Variants in ERBB2 observed in about 807,000 individuals in gnomAD.
The protein encoded by ERBB2 is erb-b2 receptor tyrosine kinase 2, also known as receptor tyrosine-protein kinase erbB-2.
In ERBB2, 61 loss-of-function variants were observed where a neutral mutation model predicts 149.0. The ratio of observed to expected loss-of-function variants is 0.41; its 90% confidence interval spans 0.33 to 0.51. ERBB2 has a LOEUF of 0.51. ERBB2 is among the 20% of genes least tolerant of loss of function. The pLI is 0.25. For synonymous variants in ERBB2, 633 were observed against 678.8 expected, an observed-to-expected ratio of 0.93 and a Z score of 1.05; for missense variants, 1,205 against 1,655.1, an observed-to-expected ratio of 0.73 and a Z score of 4.72.
chr17:39,727,733 C>T lies in ERBB2; in HGVS notation c.3457C>T (p.Arg1153Ter), dbSNP rs1364766454. 3.8e-6 allele frequency: 6 copies of T among 1,582,808 alleles called. No homozygotes were observed. The highest frequency in any genetic ancestry group is 1.3e-5 in the African/African-American group (1 of 74,246). ...TGTTCGGCCCCAGCCCCCTTCGCCC[C>T]GAGAGGGCCCTCTGCCTGCTGCCCG... is the stretch of plus-strand genomic sequence containing the variant. Reference protein sequence around the residue: ...PDVRPQPPSPREGPLPAARPA... With the variant: ...PDVRPQPPSP The change falls in exon 27 of 27, where the codon CGA becomes TGA. Residue 1153 changes from arginine (R) to a stop codon, truncating the protein, a stop_gained. Coordinates refer to ENST00000269571, the MANE Select transcript of ERBB2 (RefSeq NM_004448.4). LOFTEE classifies it high-confidence loss of function. The surrounding 1 kb of genome is among the most constrained non-coding windows in gnomAD (Gnocchi z 4.3).
chr17:39,710,013 CT>C, intron 5 of ERBB2, 72 bp from the exon 6 acceptor site: 1 of 1,513,750 alleles, frequency 6.6e-7, no homozygotes, highest in Non-Finnish European at 9.1e-7. Context: ...GGTAGTCTCC[CT>C]AGAAGGTGAT....
intron 15 of ERBB2, 126 bp downstream of exon 15, chr17:39,717,606 C>T: frequency 1.3e-6 from 1 of 758,492 alleles, no homozygotes; most frequent in Admixed American, 3.1e-5. Flanking sequence ...AAAAATAACA[C>T]ATTGTTAAAA....
upstream of ERBB2, among the ~76,000 whole-genome samples, chr17:39,691,890 TA>T: frequency 7.5e-6 from 1 of 132,882 alleles, no homozygotes; most frequent in African/African-American, 2.9e-5. Context: ...TAGATATAGA[TA>T]TAGATATAGA....
In ERBB2 at chr17:39,726,371, A is replaced by G; in HGVS notation, c.2873-191A>G. 2 of 575,698 alleles carry G rather than the reference A, an allele frequency of 3.5e-6. No homozygotes were observed. The highest frequency in any genetic ancestry group is 6.2e-6 in the Non-Finnish European group (2 of 322,700). 35.7% of individuals were successfully genotyped at this position (575,698 alleles called of 1,614,324 possible). On this transcript the variant is annotated intron_variant, in intron 23 of 26. Coordinates refer to ENST00000269571, the MANE Select transcript of ERBB2 (RefSeq NM_004448.4). This position sits in a 1 kb window ranked among gnomAD's most constrained non-coding sequence, Gnocchi z 5.1. ...AGCAAACAAAAAGAAAAAAAAAATT[A>G]AAAGGGAAACTAGAAGAGATGCCAA... is the stretch of plus-strand genomic sequence containing the variant.
upstream of ERBB2, among the ~76,000 whole-genome samples, chr17:39,696,177 C>A (rs531236967): frequency 9.2e-5 from 14 of 152,336 alleles, no homozygotes; most frequent in Admixed American, 4.6e-4. Context: ...CCCCTGCCCC[C>A]CTTCCTCTCC....
intron 1 of ERBB2, 95 bp downstream of exon 1, chr17:39,700,406 C>T (rs987751025): frequency 9.8e-6 from 10 of 1,024,048 alleles, no homozygotes; most frequent in African/African-American, 6.7e-5. Context: ...CAGAGGGGCC[C>T]GGACGAGCTC....
chr17:39,699,597 A>G (rs1428947447), upstream of ERBB2: 2 of 1,420,374 alleles, frequency 1.4e-6, no homozygotes, highest in East Asian at 4.9e-5. Flanking sequence ...GGTAAACACA[A>G]CACATCCCCC....
chr17:39,689,190 A>G (rs546172166), intron 2 of ERBB2, among the ~76,000 whole-genome samples: 20 of 152,336 alleles, frequency 1.3e-4, no homozygotes, highest in African/African-American at 4.6e-4. Context: ...CCTTAGCTCT[A>G]GCACCTTGCT....
At chr17:39,717,552 A>G in intron 15 of ERBB2, 72 bp downstream of exon 15, 1 of 1,264,370 alleles carries the variant, frequency 7.9e-7, no homozygotes, top group Non-Finnish European at 1.1e-6. Flanking sequence ...TCTTACTATA[A>G]AAGGGGACCA....
rs1368405073 is a variant in ERBB2 at position 39,723,506 on chromosome 17, C to T, written c.2086-32C>T. 6.2e-7 allele frequency: 1 copy of T among 1,613,532 alleles called. No individual in the cohort carries two copies. The highest frequency in any genetic ancestry group is 8.5e-7 in the Non-Finnish European group (1 of 1,179,786). On this transcript the variant is annotated intron_variant, in intron 17 of 26. Coordinates refer to ENST00000269571, the MANE Select transcript of ERBB2 (RefSeq NM_004448.4). This position sits in a 1 kb window ranked among gnomAD's most constrained non-coding sequence, Gnocchi z 6.2. ...AGCCCGCGTGGGGTCTGCACCGGCC[C>T]CCGGCACTGACCCACCACCCCCTCA...
chr17:39,716,143 C>A (rs754559395), intron 12 of ERBB2, 158 bp from the exon 13 acceptor site: 3 of 1,004,148 alleles, frequency 3.0e-6, no homozygotes, highest in Non-Finnish European at 2.8e-6. Flanking sequence ...TTCCCTCCCC[C>A]TCTGTTTCTG....
upstream of ERBB2, among the ~76,000 whole-genome samples, chr17:39,690,274 C>T (rs1008898807): frequency 6.6e-6 from 1 of 152,098 alleles, no homozygotes; most frequent in East Asian, 1.9e-4. Flanking sequence ...TTTGTAGAGA[C>T]ACGGTCTTGC....
intron 8 of ERBB2, 77 bp downstream of exon 8, chr17:39,712,124 C>T (rs766859667): frequency 1.2e-6 from 2 of 1,603,520 alleles, no homozygotes; most frequent in South Asian, 1.1e-5. Context: ...CCCACCCTGT[C>T]CTATCCTTCC....
chr17:39,700,376 G>A (rs2058020057), intron 1 of ERBB2, 65 bp downstream of exon 1: 6 of 1,225,604 alleles, frequency 4.9e-6, no homozygotes, highest in Non-Finnish European at 6.2e-6. Flanking sequence ...GCCCCGCCGA[G>A]GTCCCGCGGC....
rs1010848650 is a variant in ERBB2 at position 39,709,425 on chromosome 17, C to T, written c.547C>T (p.Leu183=). The change falls in exon 4 of 27, where the codon CTG becomes TTG. Residue 183 remains leucine (L), a synonymous_variant. Coordinates refer to ENST00000269571, the MANE Select transcript of ERBB2 (RefSeq NM_004448.4). ...FHKNNQLALT[L]IDTNRSRACH... ...CAAGAACAACCAGCTGGCTCTCACACTGATAGACACCAACCGCTCTCGGGC... is the reference window on the plus strand; with the variant it reads ...CAAGAACAACCAGCTGGCTCTCACATTGATAGACACCAACCGCTCTCGGGC... 3 of 1,614,180 alleles carry T rather than the reference C, an allele frequency of 1.9e-6. No individual in the cohort carries two copies. Among genetic ancestry groups the T allele is most frequent in the Non-Finnish European group, 2.5e-6 (3 of 1,180,012 alleles).
At chr17:39,716,779 C>T (rs193204884) in intron 14 of ERBB2, among the ~76,000 whole-genome samples, 174 bp downstream of exon 14, 259 of 152,170 alleles carry the variant, frequency 1.7e-3, no homozygotes, top group African/African-American at 4.6e-3. Context: ...GCCTGGGGGA[C>T]ACTGGGGCCC....
intron 1 of ERBB2, among the ~76,000 whole-genome samples, chr17:39,700,651 T>G (rs1225025471): frequency 6.6e-6 from 1 of 152,162 alleles, no homozygotes; most frequent in East Asian, 1.9e-4. Context: ...TCCCCCCTTC[T>G]TGAGCCCCCT....
At chr17:39,705,473 AGAG>A (rs2058370614) in intron 1 of ERBB2, among the ~76,000 whole-genome samples, 1 of 152,114 alleles carries the variant, frequency 6.6e-6, no homozygotes, top group African/African-American at 2.4e-5. Flanking sequence ...AGTGTGGGGA[AGAG>A]GAGGGGGTGC....
chr17:39,727,995 C>T lies in ERBB2; in HGVS notation c.3719C>T (p.Thr1240Ile), dbSNP rs2143318519. ...GCTCCACCCAGCACCTTCAAAGGGA[C>T]ACCTACGGCAGAGAACCCAGAGTAC... is the stretch of plus-strand genomic sequence containing the variant. ...RGAPPSTFKGTPTAENPEYLG... is the reference protein window; with the variant it reads ...RGAPPSTFKGIPTAENPEYLG... Residue 1240 changes from threonine (T) to isoleucine (I), a missense_variant, in exon 27 of 27, where the codon ACA becomes ATA. Thr to Ile is a moderately conservative substitution (Grantham distance 89, BLOSUM62 -1). Around this residue, in one of 6 missense-constraint regions of ERBB2, gnomAD observed 312 missense variants for 343.8 expected, o/e 0.91. Transcript: ENST00000269571. The surrounding 1 kb of genome is among the most constrained non-coding windows in gnomAD (Gnocchi z 4.3). 3 of 1,611,458 alleles carry T rather than the reference C, an allele frequency of 1.9e-6. No homozygotes were observed. Among genetic ancestry groups the T allele is most frequent in the Non-Finnish European group, 2.5e-6 (3 of 1,179,464 alleles).
Sources: allele counts gnomAD v4.1 joint callset (sites outside exome capture counted in the v4.1 genomes callset), GRCh38; gene constraint gnomAD v4.1.1; regional missense constraint gnomAD v4.1.1; non-coding constraint Gnocchi (gnomAD v3.1); transcripts MANE v1.5; gene names NCBI Gene and HGNC (gene_info 2026-07-23, HGNC 2026-07-21).